The following MAP3K13 variants were observed in gnomAD, a reference collection of about 807,000 sequenced individuals.
MAP3K13 encodes the protein mitogen-activated protein kinase kinase kinase 13, also known as leucine zipper-bearing kinase.
MAP3K13 carries 52 observed loss-of-function variants against 104.0 expected under a neutral mutation model. The observed-to-expected ratio is 0.50, with a 90% CI of 0.40 to 0.63. The LOEUF is 0.63. Ranked by LOEUF, MAP3K13 falls within the 20% of genes least tolerant of loss-of-function variation. MAP3K13 has a pLI of 0.00. For synonymous variants in MAP3K13, 394 were observed against 442.2 expected (o/e 0.89, Z 1.37); for missense variants, 914 against 1,218.5 (o/e 0.75, Z 3.72).
At chr3:185,454,988 G>GAGAT (rs1560118073) in intron 7 of MAP3K13, among the ~76,000 whole-genome samples, 6 of 30,510 alleles carry the variant, frequency 2.0e-4, no homozygotes. Flanking sequence ...ATATATATGA[G>GAGAT]ATATATATGA....
intron 2 of MAP3K13, among the ~76,000 whole-genome samples, chr3:185,340,383 G>A (rs1722674048): frequency 6.6e-6 from 1 of 152,120 alleles, no homozygotes; most frequent in Admixed American, 6.5e-5. Flanking sequence ...TTGGGAGAAG[G>A]AGCAGTTGCA....
intron 2 of MAP3K13, chr3:185,291,787 AT>A: frequency 7.2e-7 from 1 of 1,393,154 alleles, no homozygotes; most frequent in Non-Finnish European, 9.2e-7. Context: ...GCTAAAATCC[AT>A]TAATACATTC....
intron 2 of MAP3K13, among the ~76,000 whole-genome samples, chr3:185,346,262 C>G (rs886065727): frequency 6.6e-5 from 10 of 152,196 alleles, no homozygotes; most frequent in Admixed American, 5.9e-4. Flanking sequence ...TTCCCAAAAG[C>G]AATACATTTG....
At chr3:185,334,380 A>G (rs1722392815) in intron 2 of MAP3K13, among the ~76,000 whole-genome samples, 1 of 152,206 alleles carries the variant, frequency 6.6e-6, no homozygotes, top group Non-Finnish European at 1.5e-5. Context: ...AGTAACAAAA[A>G]GGTAAATGAC....
intron 1 of MAP3K13, among the ~76,000 whole-genome samples, chr3:185,395,191 T>C (rs910334048): frequency 3.3e-5 from 5 of 152,070 alleles, no homozygotes; most frequent in Admixed American, 3.3e-4. Context: ...CTTTTCTCTC[T>C]TTCTTCCCAG....
At chr3:185,412,755 A>T (rs1713523519) in intron 1 of MAP3K13, among the ~76,000 whole-genome samples, 1 of 152,182 alleles carries the variant, frequency 6.6e-6, no homozygotes, top group Non-Finnish European at 1.5e-5. Flanking sequence ...GCTCTATTAA[A>T]ATTCGACATT....
chr3:185,329,717 T>G (rs972832462), intron 2 of MAP3K13, among the ~76,000 whole-genome samples: 1 of 152,194 alleles, frequency 6.6e-6, no homozygotes, highest in East Asian at 1.9e-4. Flanking sequence ...GAACTACACA[T>G]TGTTACACAA....
chr3:185,364,576 T>C (rs1227871557), intron 1 of MAP3K13, among the ~76,000 whole-genome samples: 1 of 152,242 alleles, frequency 6.6e-6, no homozygotes, highest in Non-Finnish European at 1.5e-5. Flanking sequence ...ATTATGGCTA[T>C]AATATCTTTT....
At position 185,450,484 on chromosome 3, in the gene MAP3K13, C is replaced by T. The variant is rs1359981066; in HGVS notation, c.1169+426C>T. Among the ~76,000 whole-genome samples, 4 of 152,048 alleles carry T rather than the reference C, an allele frequency of 2.6e-5. No individual in the cohort carries two copies. Among genetic ancestry groups the T allele is most frequent in the Admixed American group, 2.6e-4 (4 of 15,254 alleles). On this transcript the variant is annotated intron_variant, in intron 6 of 13. Transcript: ENST00000265026. The surrounding 1 kb of genome is among the most constrained non-coding windows in gnomAD (Gnocchi z 4.2). ...AGTATATCAAAACTGTACTGCAGGG[C>T]AGCCAGGCACAGTGGCTCACACCTG... is the stretch of plus-strand genomic sequence containing the variant.
Position 185,466,983 on chromosome 3 carries a change from G to T in MAP3K13, c.1643+20G>T, listed in dbSNP as rs757019611. Reference sequence around the variant, plus strand: ...CAAACGGTGAGACACCTGTACAAACGCAGTATTCAGATAAATAGGGAAAGA... The same window carrying T: ...CAAACGGTGAGACACCTGTACAAACTCAGTATTCAGATAAATAGGGAAAGA... On this transcript the variant is annotated intron_variant, in intron 10 of 13. Coordinates refer to ENST00000265026, the MANE Select transcript of MAP3K13 (RefSeq NM_004721.5). 6.2e-7 allele frequency: 1 copy of T among 1,613,636 alleles called. No individual in the cohort carries two copies. Among genetic ancestry groups the T allele is most frequent in the Non-Finnish European group, 8.5e-7 (1 of 1,179,724 alleles).
At position 185,443,528 on chromosome 3, in the gene MAP3K13, G is replaced by T. The variant is rs776809053; in HGVS notation, c.743G>T (p.Gly248Val). 6.2e-7 allele frequency: 1 copy of T among 1,614,082 alleles called. No homozygotes were observed. The highest frequency in any genetic ancestry group is 1.1e-5 in the South Asian group (1 of 91,084). Residue 248 changes from glycine (G) to valine (V), a missense_variant, in exon 4 of 14, where the codon GGC becomes GTC. Gly to Val is a moderately radical substitution (Grantham distance 109). Coordinates refer to ENST00000265026, the MANE Select transcript of MAP3K13 (RefSeq NM_004721.5). ...HGQLYEVLRA[G>V]RKITPRLLVD... ...CAACTCTACGAGGTCTTACGAGCTG[G>T]CAGGAAGATCACACCTCGATTGCTA...
At chr3:185,283,283 TG>T (rs1720373569) in intron 1 of MAP3K13, among the ~76,000 whole-genome samples, 1 of 151,986 alleles carries the variant, frequency 6.6e-6, no homozygotes, top group South Asian at 2.1e-4. Context: ...CAGACATGGC[TG>T]GGGGTCATGG....
chr3:185,466,678 T>G, intron 9 of MAP3K13, 148 bp from the exon 10 acceptor site: 2 of 932,144 alleles, frequency 2.1e-6, no homozygotes, highest in Non-Finnish European at 3.2e-6. Flanking sequence ...AGCCCGGCTG[T>G]TTGTTTGTTT....
At chr3:185,357,447 TAAA>T (rs71162295) in intron 2 of MAP3K13, among the ~76,000 whole-genome samples, 6 of 91,342 alleles carry the variant, frequency 6.6e-5, no homozygotes, top group Non-Finnish European at 1.3e-4. Context: ...AAACTCCATC[TAAA>T]AAAAAAAAAA....
chr3:185,363,512 A>T (rs539599697), intron 1 of MAP3K13, 144 bp downstream of exon 1: 1 of 302,188 alleles, frequency 3.3e-6, no homozygotes, highest in East Asian at 1.7e-4. Context: ...GGCGGAGAGA[A>T]ACCCGAAACC....
chr3:185,364,833 T>G (rs1723795572), intron 1 of MAP3K13, among the ~76,000 whole-genome samples: 1 of 152,236 alleles, frequency 6.6e-6, no homozygotes, highest in Admixed American at 6.5e-5. Context: ...TTTCTGGGTT[T>G]AACAAATGAG....
At chr3:185,475,234 C>T (rs1277261226) in intron 11 of MAP3K13, among the ~76,000 whole-genome samples, 1 of 152,054 alleles carries the variant, frequency 6.6e-6, no homozygotes, top group Non-Finnish European at 1.5e-5. Flanking sequence ...ACATATAAAG[C>T]ATTTAGAACA....
chr3:185,291,584 AT>A (rs370641333), intron 2 of MAP3K13: 1 of 1,499,174 alleles, frequency 6.7e-7, no homozygotes, highest in Non-Finnish European at 8.8e-7. Flanking sequence ...TTGTAGTAGA[AT>A]TTTTTTGTGT....
At chr3:185,289,980 G>C (rs1720671816) in intron 2 of MAP3K13, among the ~76,000 whole-genome samples, 1 of 152,068 alleles carries the variant, frequency 6.6e-6, no homozygotes. Flanking sequence ...TATTAATTAA[G>C]TTTTATTATT....
Sources: allele counts gnomAD v4.1 joint callset (sites outside exome capture counted in the v4.1 genomes callset), GRCh38; gene constraint gnomAD v4.1.1; non-coding constraint Gnocchi (gnomAD v3.1); transcripts MANE v1.5; gene names NCBI Gene and HGNC (gene_info 2026-07-23, HGNC 2026-07-21).